PSG2: variants seen among roughly 807,000 people sequenced by gnomAD.
PSG2 encodes the protein pregnancy-specific beta-1-glycoprotein 2.
PSG2 carries 49 observed loss-of-function variants against 36.2 expected under a neutral mutation model. The observed-to-expected ratio is 1.35, with a 90% CI of 1.08 to 1.72. The LOEUF (loss-of-function observed/expected upper bound fraction) is 1.72, where lower values mean the gene tolerates loss of function less well. Among genes scored for constraint, PSG2 ranks in the 40% most tolerant of loss-of-function variants. The pLI, the probability that PSG2 is intolerant of heterozygous loss-of-function variation, is 0.00. For missense variants in PSG2, 605 were observed against 407.2 expected (o/e 1.49, Z -4.18); for synonymous variants, 261 against 155.6 (o/e 1.68, Z -5.04).
chr19:43,077,936 C>A lies in PSG2; in HGVS notation c.431-2304G>T, dbSNP rs559407803. Among the ~76,000 whole-genome samples the A allele has an allele frequency of 5.6e-4, 85 of 151,636 alleles. 1 individual carries two copies. The highest frequency in any genetic ancestry group is 9.3e-4 in the Non-Finnish European group (63 of 67,960). On this transcript the variant is annotated intron_variant, in intron 2 of 5. Coordinates refer to ENST00000406487, the MANE Select transcript of PSG2 (RefSeq NM_031246.4). ...ATTCCAAGCTTGTTATATGCCTGAC[C>A]GGAAGCCAGAAGTCTCTAGGAAGTG...
At position 43,081,009 on chromosome 19, in the gene PSG2, G is replaced by T; in HGVS notation, c.302C>A (p.Ala101Glu). 3.7e-6 allele frequency: 6 copies of T among 1,613,108 alleles called. No homozygotes were observed. The highest frequency in any genetic ancestry group is 5.1e-6 in the Non-Finnish European group (6 of 1,179,704). The change falls in exon 2 of 6, where the codon GCA (alanine) becomes GAA (glutamate). Residue 101 changes from alanine to glutamate, a missense_variant. Coordinates refer to ENST00000406487, the MANE Select transcript of PSG2 (RefSeq NM_031246.4). ...YGPAYSGRET[A>E]YSNASLLIQN... Reference sequence around the variant, plus strand: ...GATCAGCAGGGATGCATTGGAATATGCTGTTTCTCGTCCACTATATGCAGG... The same window carrying T: ...GATCAGCAGGGATGCATTGGAATATTCTGTTTCTCGTCCACTATATGCAGG...
At chr19:43,082,234 G>T (rs1568517930) in intron 1 of PSG2, 3 of 360,142 alleles carry the variant, frequency 8.3e-6, no homozygotes, top group Non-Finnish European at 1.5e-5. Context: ...TCTGCCTCCT[G>T]GGTTCACGTG....
At chr19:43,076,873 C>T (rs1289584931) in intron 2 of PSG2, among the ~76,000 whole-genome samples, 1 of 151,364 alleles carries the variant, frequency 6.6e-6, no homozygotes, top group Admixed American at 6.6e-5. Context: ...GTTTAGCATC[C>T]CAAATCTGAA....
intron 3 of PSG2, among the ~76,000 whole-genome samples, chr19:43,073,160 G>A (rs1395896452): frequency 6.6e-6 from 1 of 151,818 alleles, no homozygotes; most frequent in African/African-American, 2.4e-5. Flanking sequence ...TAACACAGGG[G>A]AGACCAGAGT....
At chr19:43,066,788 G>T (rs555620052) in intron 4 of PSG2, among the ~76,000 whole-genome samples, 188 bp from the exon 5 acceptor site, 1 of 151,592 alleles carries the variant, frequency 6.6e-6, no homozygotes, top group African/African-American at 2.4e-5. Flanking sequence ...CATGTGTCTC[G>T]GTTGGTGATC....
In PSG2 at chr19:43,071,734, C is replaced by G; in HGVS notation, c.930G>C (p.Glu310Asp). Residue 310 changes from glutamate (E) to aspartate (D), a missense_variant, in exon 4 of 6, where the codon GAG (glutamate) becomes GAC (aspartate). Physicochemically the swap from Glu to Asp is conservative, Grantham distance 45 (BLOSUM62 2). Transcript: ENST00000406487. Reference sequence around the variant, plus strand: ...TGACTGTCAACGATGTGGAGCTTTCCTCGCCAGTGGCTGAGTTACGAACAG... The same window carrying G: ...TGACTGTCAACGATGTGGAGCTTTCGTCGCCAGTGGCTGAGTTACGAACAG... Reference protein sequence around the residue: ...VCSVRNSATGEESSTSLTVKV... With the variant: ...VCSVRNSATGDESSTSLTVKV... 6.2e-7 allele frequency: 1 copy of G among 1,612,976 alleles called. No homozygotes were observed. Among genetic ancestry groups the G allele is most frequent in the Non-Finnish European group, 8.5e-7 (1 of 1,179,488 alleles).
chr19:43,067,965 T>C (rs1967764012), intron 4 of PSG2, among the ~76,000 whole-genome samples: 1 of 150,816 alleles, frequency 6.6e-6, no homozygotes, highest in Non-Finnish European at 1.5e-5. Flanking sequence ...CCAAGCACAG[T>C]GAATGAGGGA....
Position 43,066,506 on chromosome 19 carries a change from G to A in PSG2, c.*40+11C>T, listed in dbSNP as rs772700398. The A allele has an allele frequency of 2.6e-6, 4 of 1,517,074 alleles. No homozygotes were observed. In the African/African-American group the frequency reaches 4.2e-5, roughly 16 times the overall value. The allele number at this position is 1,517,074 out of a possible 1,614,324, so 94.0% of individuals were successfully genotyped here. A position where few individuals can be genotyped will look rare whatever the true frequency, so the allele number is the denominator to read the frequency against. On this transcript the variant is annotated intron_variant, in intron 5 of 5. Transcript: ENST00000406487. ...CTGCAGGAACCAGGATAAGAGAAAAGGCCATCATACCTGCCAGTCTTCCTG... is the reference window on the plus strand; with the variant it reads ...CTGCAGGAACCAGGATAAGAGAAAAAGCCATCATACCTGCCAGTCTTCCTG...
chr19:43,081,013 T>G lies in PSG2; in HGVS notation c.298A>C (p.Thr100Pro). Residue 100 changes from threonine to proline, a missense_variant, in exon 2 of 6, where the codon ACA (threonine) becomes CCA (proline). Transcript: ENST00000406487. The part of the protein sequence containing the change: ...IYGPAYSGRE[T>P]AYSNASLLIQ... Reference sequence around the variant, plus strand: ...AGCAGGGATGCATTGGAATATGCTGTTTCTCGTCCACTATATGCAGGCCCA... The same window carrying G: ...AGCAGGGATGCATTGGAATATGCTGGTTCTCGTCCACTATATGCAGGCCCA... The G allele has an allele frequency of 6.2e-7, 1 of 1,613,146 alleles. No homozygotes were observed. Among genetic ancestry groups the G allele is most frequent in the South Asian group, 1.1e-5 (1 of 91,048 alleles).
At chr19:43,068,125 A>G (rs1296229179) in intron 4 of PSG2, among the ~76,000 whole-genome samples, 2 of 151,446 alleles carry the variant, frequency 1.3e-5, no homozygotes, top group Admixed American at 1.3e-4. Flanking sequence ...AGAAAAGTTT[A>G]AAATTCCTAA....
At chr19:43,069,261 A>G (rs1188614199) in intron 4 of PSG2, among the ~76,000 whole-genome samples, 1 of 151,696 alleles carries the variant, frequency 6.6e-6, no homozygotes, top group Non-Finnish European at 1.5e-5. Flanking sequence ...TGGAAGACTC[A>G]ATATTGTTAG....
At chr19:43,080,139 G>A (rs1319334570) in intron 2 of PSG2, among the ~76,000 whole-genome samples, 1 of 151,776 alleles carries the variant, frequency 6.6e-6, no homozygotes, top group African/African-American at 2.4e-5. Context: ...TCAGATCCCT[G>A]TGGACAAGCT....
At chr19:43,078,334 T>A (rs1366082572) in intron 2 of PSG2, among the ~76,000 whole-genome samples, 7 of 151,796 alleles carry the variant, frequency 4.6e-5, no homozygotes, top group Non-Finnish European at 1.0e-4. Flanking sequence ...GGAACCGAAT[T>A]CTGCTAAATT....
chr19:43,071,744 G>T lies in PSG2; in HGVS notation c.920C>A (p.Ala307Asp). Residue 307 changes from alanine to aspartate, a missense_variant, in exon 4 of 6, where the codon GCC (alanine) becomes GAC (aspartate). Physicochemically the swap from Ala to Asp is moderately radical, Grantham distance 126 (BLOSUM62 -2). Coordinates refer to ENST00000406487, the MANE Select transcript of PSG2 (RefSeq NM_031246.4). ...GLYVCSVRNSATGEESSTSLT... is the reference protein window; with the variant it reads ...GLYVCSVRNSDTGEESSTSLT... The stretch of plus-strand genomic sequence containing the variant: ...CGATGTGGAGCTTTCCTCGCCAGTG[G>T]CTGAGTTACGAACAGAGCAAACATA... 1 of 1,612,972 alleles carries T rather than the reference G, an allele frequency of 6.2e-7. No individual in the cohort carries two copies. The highest frequency in any genetic ancestry group is 8.5e-7 in the Non-Finnish European group (1 of 1,179,458).
At chr19:43,076,346 C>T (rs1489668443) in intron 2 of PSG2, among the ~76,000 whole-genome samples, 1 of 151,692 alleles carries the variant, frequency 6.6e-6, no homozygotes, top group Admixed American at 6.6e-5. Context: ...CTGAACAAGA[C>T]CATGTGCCCT....
intron 3 of PSG2, chr19:43,072,302 T>C (rs577065882): frequency 3.7e-6 from 6 of 1,605,094 alleles, no homozygotes; most frequent in African/African-American, 1.3e-5. Flanking sequence ...TGGCCCCTGG[T>C]CATTTGGATT....
At chr19:43,070,083 A>G (rs1967794837) in intron 4 of PSG2, among the ~76,000 whole-genome samples, 1 of 151,710 alleles carries the variant, frequency 6.6e-6, no homozygotes, top group Non-Finnish European at 1.5e-5. Context: ...GCCCATGCAA[A>G]GTTCCTCAGC....
At chr19:43,072,067 GCA>G (rs1328196156) in intron 3 of PSG2, 113 bp from the exon 4 acceptor site, 15 of 1,459,174 alleles carry the variant, frequency 1.0e-5, no homozygotes, top group Non-Finnish European at 1.4e-5. Flanking sequence ...TCAAGTCCCA[GCA>G]AAACCCCCTC....
Position 43,075,278 on chromosome 19 carries a change from G to T in PSG2, c.709+76C>A, listed in dbSNP as rs57776266. ...AGGTCTCTGTACTTGGACCTGAGAG[G>T]GACTGAGAGGCCTGGCCTCTGGCCA... On this transcript the variant is annotated intron_variant, in intron 3 of 5. Transcript: ENST00000406487. 410 of 1,612,248 alleles carry T rather than the reference G, an allele frequency of 2.5e-4. 13 individuals carry two copies. The African/African-American group carries it at 5.0e-3, about 20-fold the overall frequency.
Sources: gnomAD v4.1 joint callset for allele counts (sites outside exome capture counted in the v4.1 genomes callset) on GRCh38, gnomAD v4.1.1 for gene constraint, MANE v1.5 for transcripts, NCBI Gene and HGNC (gene_info 2026-07-23, HGNC 2026-07-21) for gene names.